Variants in LARS2 observed in about 807,000 individuals in gnomAD.
The protein encoded by LARS2 is leucine--tRNA ligase, mitochondrial.
LARS2 carries 81 observed loss-of-function variants against 116.6 expected under a neutral mutation model. The ratio of observed to expected loss-of-function variants is 0.69; its 90% CI spans 0.58 to 0.84. The LOEUF is 0.84. Ranked by LOEUF, LARS2 falls within the 40% of genes least tolerant of loss-of-function variation. LARS2 has a pLI of 0.00. For synonymous variants in LARS2, 396 were observed against 407.2 expected, an observed-to-expected ratio of 0.97 and a Z score of 0.33; for missense variants, 968 against 1,114.5, an observed-to-expected ratio of 0.87 and a Z score of 1.87.
chr3:45,521,086 C>T (rs530086954), intron 19 of LARS2, among the ~76,000 whole-genome samples: 35 of 152,100 alleles, frequency 2.3e-4, no homozygotes, highest in African/African-American at 5.8e-4. Flanking sequence ...AGGCGGATCA[C>T]GAGGTCAGGA....
intron 13 of LARS2, among the ~76,000 whole-genome samples, chr3:45,492,505 T>C (rs1313509203): frequency 6.6e-6 from 1 of 152,234 alleles, no homozygotes; most frequent in Non-Finnish European, 1.5e-5. Context: ...TAATTTTGTA[T>C]TCTGCCAGTA....
intron 12 of LARS2, among the ~76,000 whole-genome samples, chr3:45,490,511 A>T (rs193238356): frequency 3.4e-4 from 52 of 152,372 alleles, no homozygotes; most frequent in Admixed American, 1.3e-3. Flanking sequence ...CAGTGGTGTT[A>T]GGAGAAGACT....
At chr3:45,477,856 G>A (rs1438080555) in intron 10 of LARS2, among the ~76,000 whole-genome samples, 1 of 152,196 alleles carries the variant, frequency 6.6e-6, no homozygotes, top group Non-Finnish European at 1.5e-5. Flanking sequence ...AGGTTGGAGA[G>A]ATAGACAATG....
chr3:45,518,806 C>CACACA (rs774294792), intron 18 of LARS2, among the ~76,000 whole-genome samples: 3 of 152,080 alleles, frequency 2.0e-5, no homozygotes, highest in Non-Finnish European at 4.4e-5. Flanking sequence ...ATAATGAACA[C>CACACA]AATGATGCAT....
At chr3:45,478,802 G>A (rs886170433) in intron 10 of LARS2, among the ~76,000 whole-genome samples, 3 of 152,060 alleles carry the variant, frequency 2.0e-5, no homozygotes, top group Non-Finnish European at 2.9e-5. Context: ...TGCACATCAC[G>A]TCCCTGGATT....
chr3:45,509,138 T>C (rs1246422567), intron 15 of LARS2, among the ~76,000 whole-genome samples: 3 of 152,136 alleles, frequency 2.0e-5, no homozygotes, highest in Admixed American at 6.6e-5. Context: ...CAGGGCCTTC[T>C]TCAAGGCAGA....
intron 20 of LARS2, among the ~76,000 whole-genome samples, chr3:45,537,620 TC>T (rs1700726453): frequency 6.6e-6 from 1 of 152,220 alleles, no homozygotes; most frequent in African/African-American, 2.4e-5. Flanking sequence ...GTGGCCTCCT[TC>T]CTATTCACTT....
At chr3:45,435,832 C>A (rs564806077) in intron 6 of LARS2, among the ~76,000 whole-genome samples, 1 of 152,196 alleles carries the variant, frequency 6.6e-6, no homozygotes, top group East Asian at 1.9e-4. Context: ...ATGTTTCATT[C>A]ATATATATAT....
At chr3:45,403,113 A>AC (rs1246638037) in intron 4 of LARS2, among the ~76,000 whole-genome samples, 1 of 27,126 alleles carries the variant, frequency 3.7e-5, no homozygotes, top group Non-Finnish European at 1.4e-4. Context: ...CTCCAAAGAC[A>AC]AAAAAAAAAA....
intron 20 of LARS2, among the ~76,000 whole-genome samples, chr3:45,532,529 G>A (rs930978514): frequency 3.3e-5 from 5 of 152,094 alleles, no homozygotes; most frequent in African/African-American, 4.8e-5. Context: ...TATTTGCTGG[G>A]GTTATATAGA....
At chr3:45,447,023 T>G in intron 7 of LARS2, 43 bp downstream of exon 7, 1 of 1,157,506 alleles carries the variant, frequency 8.6e-7, no homozygotes, top group Non-Finnish European at 1.3e-6. Context: ...AGTGAATCTC[T>G]TTAGGATACA....
intron 7 of LARS2, among the ~76,000 whole-genome samples, chr3:45,456,196 T>C (rs1699210708): frequency 6.6e-6 from 1 of 152,174 alleles, no homozygotes; most frequent in Non-Finnish European, 1.5e-5. Flanking sequence ...GTATTTTAAT[T>C]GCTTAATTAT....
rs1477180595 is a variant in LARS2 at position 45,474,347 on chromosome 3, A to G, written c.855A>G (p.Leu285=). Reference sequence around the variant, plus strand: ...TGGGCTGCCACCTGGACTTCACATTAAAGGTGATTAAGTAATAGCAGCTCC... The same window carrying G: ...TGGGCTGCCACCTGGACTTCACATTGAAGGTGATTAAGTAATAGCAGCTCC... The part of the protein sequence containing the change: ...DCVGCHLDFT[L]KVHGQATGEK... The change falls in exon 9 of 22, where the codon TTA becomes TTG. Residue 285 remains leucine (L), a synonymous_variant. Coordinates refer to ENST00000645846, the MANE Select transcript of LARS2 (RefSeq NM_015340.4). 4 of 1,582,852 alleles carry G rather than the reference A, an allele frequency of 2.5e-6. No homozygotes were observed. In the African/African-American group the frequency reaches 5.4e-5, roughly 21 times the overall value.
chr3:45,404,816 A>T (rs913825194), intron 4 of LARS2, among the ~76,000 whole-genome samples: 4 of 151,932 alleles, frequency 2.6e-5, no homozygotes, highest in African/African-American at 9.7e-5. Flanking sequence ...AGAACTCCTG[A>T]TCTCAGGTGA....
chr3:45,459,400 T>C (rs561665528), intron 8 of LARS2, among the ~76,000 whole-genome samples: 39 of 152,324 alleles, frequency 2.6e-4, no homozygotes, highest in Non-Finnish European at 4.4e-4. Context: ...TCTAAAAGAA[T>C]TGAAGAGATG....
chr3:45,406,059 C>A (rs752873356), intron 4 of LARS2, among the ~76,000 whole-genome samples: 7 of 151,988 alleles, frequency 4.6e-5, no homozygotes, highest in Non-Finnish European at 8.8e-5. Context: ...TCTAGTTGAC[C>A]CAGAATATTC....
chr3:45,475,961 A>T (rs147230669), intron 9 of LARS2, among the ~76,000 whole-genome samples: 1 of 152,254 alleles, frequency 6.6e-6, no homozygotes, highest in East Asian at 1.9e-4. Flanking sequence ...CATTTTAACC[A>T]GCTCTAGGGA....
intron 6 of LARS2, among the ~76,000 whole-genome samples, chr3:45,444,911 C>T (rs901643476): frequency 1.3e-5 from 2 of 151,650 alleles, no homozygotes; most frequent in African/African-American, 4.8e-5. Flanking sequence ...AATATTGAAC[C>T]TCTATCCCTT....
chr3:45,418,005 A>G (rs1698458103), intron 5 of LARS2, among the ~76,000 whole-genome samples: 1 of 152,168 alleles, frequency 6.6e-6, no homozygotes, highest in Admixed American at 6.5e-5. Flanking sequence ...AAGCAAGAGG[A>G]ACTTAGGCAT....
Sources: gnomAD v4.1 joint callset for allele counts (sites outside exome capture counted in the v4.1 genomes callset) on GRCh38, gnomAD v4.1.1 for gene constraint, MANE v1.5 for transcripts, NCBI Gene and HGNC (gene_info 2026-07-23, HGNC 2026-07-21) for gene names.